PCDHA10: variants seen among roughly 807,000 people sequenced by gnomAD.
PCDHA10 encodes protocadherin alpha-10.
PCDHA10 carries 45 observed loss-of-function variants against 61.2 expected under a neutral mutation model. That is an observed-to-expected ratio of 0.74 (90% confidence interval 0.58 to 0.94). PCDHA10 has a LOEUF of 0.94. Among genes scored for constraint, PCDHA10 ranks in the 40% least tolerant of loss-of-function variants. The pLI is 0.00. For synonymous variants in PCDHA10, 602 were observed against 548.8 expected (o/e 1.10, Z -1.35); for missense variants, 1,278 against 1,236.2 (o/e 1.03, Z -0.51).
intron 3 of PCDHA10, among the ~76,000 whole-genome samples, chr5:140,994,234 C>A (rs1285846864): frequency 4.6e-5 from 7 of 152,146 alleles, no homozygotes; most frequent in South Asian, 2.1e-4. Flanking sequence ...ATGTTATAAT[C>A]AATTCAAACC....
At chr5:141,009,568 G>A in intron 3 of PCDHA10, 59 bp from the exon 4 acceptor site, 4 of 1,577,106 alleles carry the variant, frequency 2.5e-6, no homozygotes, top group Non-Finnish European at 3.4e-6. Context: ...TCTACCAGCA[G>A]TGTGGCATCA....
chr5:140,927,440 C>G (rs782460713), intron 1 of PCDHA10: 2 of 1,614,168 alleles, frequency 1.2e-6, no homozygotes, highest in East Asian at 4.5e-5. Flanking sequence ...AGCGAATACC[C>G]GGAGTTGGTG....
Position 140,857,860 on chromosome 5 carries a change from G to A in PCDHA10, c.1812G>A (p.Ala604=), listed in dbSNP as rs532607436. Residue 604 remains alanine (A), a synonymous_variant, in exon 1 of 4, where the codon GCG becomes GCA. Transcript: ENST00000307360. The part of the protein sequence containing the change: ...RAVDADSGYN[A]WLSYELQSAA... ...TGGACGCTGACTCTGGATACAACGC[G>A]TGGCTGTCGTATGAATTGCAGTCGG... 1.9e-6 allele frequency: 3 copies of A among 1,597,882 alleles called. 1 individual carries two copies. Among genetic ancestry groups the A allele is most frequent in the South Asian group, 1.1e-5 (1 of 90,496 alleles).
intron 3 of PCDHA10, among the ~76,000 whole-genome samples, chr5:140,986,799 CTTAG>C (rs782752084): frequency 3.9e-5 from 6 of 152,154 alleles, no homozygotes; most frequent in South Asian, 4.1e-4. Context: ...GGCAGTGAGT[CTTAG>C]TTAGAGAACT....
At chr5:140,904,475 T>C (rs1034610314) in intron 1 of PCDHA10, among the ~76,000 whole-genome samples, 1 of 151,866 alleles carries the variant, frequency 6.6e-6, no homozygotes, top group Non-Finnish European at 1.5e-5. Context: ...TGGTGGCTAT[T>C]TGGTCTGATT....
At chr5:140,890,961 TTTTG>T (rs1239214366) in intron 1 of PCDHA10, among the ~76,000 whole-genome samples, 3 of 152,172 alleles carry the variant, frequency 2.0e-5, no homozygotes, top group African/African-American at 7.2e-5. Flanking sequence ...TGATTTCAGG[TTTTG>T]TTTTTCTGAA....
intron 1 of PCDHA10, among the ~76,000 whole-genome samples, chr5:140,938,121 A>C (rs981387543): frequency 6.6e-6 from 1 of 151,892 alleles, no homozygotes; most frequent in South Asian, 2.1e-4. Flanking sequence ...CTCTTTTTTT[A>C]AAAAAATAGA....
chr5:140,936,744 T>A (rs1204618787), intron 1 of PCDHA10, among the ~76,000 whole-genome samples: 5 of 152,216 alleles, frequency 3.3e-5, no homozygotes, highest in Non-Finnish European at 5.9e-5. Context: ...AACTTTTCAT[T>A]TGTATTGATA....
In PCDHA10 at chr5:141,011,833, C is replaced by T. The variant is rs1223674434; in HGVS notation, c.*1896C>T. 6.5e-6 allele frequency: 1 copy of T among 153,366 alleles called. No individual in the cohort carries two copies. Among genetic ancestry groups the T allele is most frequent in the Non-Finnish European group, 1.5e-5 (1 of 67,994 alleles). 9.5% of individuals were successfully genotyped at this position (153,366 alleles called of 1,614,324 possible). On this transcript the variant is annotated 3_prime_UTR_variant, in exon 4 of 4. Transcript: ENST00000307360. ...TAGAAAGTAACAAAATTTGCTGTCA[C>T]CTTAAATAAGACATTTTAATTTTGT...
chr5:140,908,795 A>C (rs2074156138), intron 1 of PCDHA10, among the ~76,000 whole-genome samples: 1 of 152,202 alleles, frequency 6.6e-6, no homozygotes, highest in South Asian at 2.1e-4. Context: ...TCTGTACTAC[A>C]TTAAAAAGTG....
intron 1 of PCDHA10, among the ~76,000 whole-genome samples, chr5:140,887,546 T>C (rs1554183101): frequency 1.3e-5 from 2 of 152,114 alleles, no homozygotes; most frequent in Non-Finnish European, 2.9e-5. Flanking sequence ...CCACCCCTCA[T>C]GGTTACTGTT....
rs182361197 is a variant in PCDHA10, at chr5:140,979,956, T to G, written c.2447+949T>G. 2.0e-5 allele frequency among the ~76,000 whole-genome samples: 3 copies of G among 152,378 alleles called. No homozygotes were observed. In the East Asian group the frequency reaches 5.8e-4, roughly 29 times the overall value. ...GTGTAGAGTTAATGTGAAATTAGTT[T>G]TAGCCCATTAAAATGCATTAGATTG... On this transcript the variant is annotated intron_variant, in intron 2 of 3. Transcript: ENST00000307360.
At chr5:140,883,690 C>T (rs1313254041) in intron 1 of PCDHA10, 1 of 1,613,870 alleles carries the variant, frequency 6.2e-7, no homozygotes, top group Non-Finnish European at 8.5e-7. Context: ...GCTGCCACAT[C>T]TTCACGGTGT....
chr5:140,989,422 TG>T (rs1554250798), intron 3 of PCDHA10, among the ~76,000 whole-genome samples: 2 of 152,128 alleles, frequency 1.3e-5, no homozygotes, highest in African/African-American at 4.8e-5. Flanking sequence ...CTTCACTCTG[TG>T]GGAAAAATTG....
chr5:140,968,553 G>T (rs782583876), intron 1 of PCDHA10: 1 of 1,614,132 alleles, frequency 6.2e-7, no homozygotes. Context: ...ATGGTGCCTC[G>T]AACTGCCCCT....
Position 140,918,963 on chromosome 5 carries a change from A to C in PCDHA10, c.2389-59986A>C, listed in dbSNP as rs74470631. ...TAATATCCTGAACAGACTAAGACAGATATCGTTTAGGTTAGTTGGTTTTTA... is the reference window on the plus strand; with the variant it reads ...TAATATCCTGAACAGACTAAGACAGCTATCGTTTAGGTTAGTTGGTTTTTA... On this transcript the variant is annotated intron_variant, in intron 1 of 3. Transcript: ENST00000307360. Among the ~76,000 whole-genome samples the C allele has an allele frequency of 4.6e-3, 702 of 152,330 alleles. 2 individuals are homozygous for C. Among genetic ancestry groups the C allele is most frequent in the African/African-American group, 0.016 (679 of 41,576 alleles).
chr5:140,977,074 T>C (rs1315038002), intron 1 of PCDHA10, among the ~76,000 whole-genome samples: 1 of 152,244 alleles, frequency 6.6e-6, no homozygotes, highest in Admixed American at 6.5e-5. Flanking sequence ...AATAGCAGCA[T>C]GACAAATTAA....
chr5:140,950,914 T>G (rs1198787949), intron 1 of PCDHA10, among the ~76,000 whole-genome samples: 1 of 152,044 alleles, frequency 6.6e-6, no homozygotes, highest in Non-Finnish European at 1.5e-5. Context: ...TTTATTTTAT[T>G]TCAGTTCTTT....
chr5:140,933,704 T>C (rs1436562602), intron 1 of PCDHA10, among the ~76,000 whole-genome samples: 1 of 152,084 alleles, frequency 6.6e-6, no homozygotes, highest in African/African-American at 2.4e-5. Flanking sequence ...CGGACACATT[T>C]ACTGAGATTG....
Sources: allele counts gnomAD v4.1 joint callset (sites outside exome capture counted in the v4.1 genomes callset), GRCh38; gene constraint gnomAD v4.1.1; transcripts MANE v1.5; gene names NCBI Gene and HGNC (gene_info 2026-07-23, HGNC 2026-07-21).